LMBRD1: variants seen among roughly 807,000 people sequenced by gnomAD.
LMBRD1 encodes the protein LMBR1 domain containing 1.
A neutral mutation model predicts 74.8 loss-of-function variants in LMBRD1; 64 were observed. The ratio of observed to expected loss-of-function variants is 0.86; its 90% CI spans 0.70 to 1.05. LMBRD1 has a LOEUF of 1.05. LMBRD1 is among the 50% of genes least tolerant of loss of function. The pLI is 0.00. For missense variants in LMBRD1, 652 were observed against 645.9 expected (o/e 1.01, Z -0.10); for synonymous variants, 204 against 216.3 (o/e 0.94, Z 0.50).
chr6:69,774,265 C>T (rs1562121281), intron 3 of LMBRD1, among the ~76,000 whole-genome samples: 1 of 152,212 alleles, frequency 6.6e-6, no homozygotes, highest in African/African-American at 2.4e-5. Context: ...CTCCTCCTCG[C>T]CTTCCACCAT....
chr6:69,757,730 C>T (rs1765296700), intron 3 of LMBRD1, among the ~76,000 whole-genome samples: 1 of 152,182 alleles, frequency 6.6e-6, no homozygotes, highest in Admixed American at 6.5e-5. Flanking sequence ...ATCAAACTCA[C>T]AGCCATTTTC....
At chr6:69,748,916 A>G (rs747908587) in intron 5 of LMBRD1, among the ~76,000 whole-genome samples, 1 of 152,076 alleles carries the variant, frequency 6.6e-6, no homozygotes. Context: ...AAACATTATA[A>G]ATGTCTAAGC....
intron 6 of LMBRD1, among the ~76,000 whole-genome samples, chr6:69,740,457 A>G (rs1031165903): frequency 1.3e-5 from 2 of 152,232 alleles, no homozygotes; most frequent in African/African-American, 2.4e-5. Flanking sequence ...AGTTAACTCC[A>G]AGAAAAGAAG....
rs765553354 is a variant in LMBRD1 at position 69,676,524 on chromosome 6, G to A, written c.1435C>T (p.Arg479Trp). 2.2e-5 allele frequency: 35 copies of A among 1,612,704 alleles called. No individual in the cohort carries two copies. Among genetic ancestry groups the A allele is most frequent in the East Asian group, 6.7e-5 (3 of 44,794 alleles). Reference sequence around the variant, plus strand: ...AACTTGTGAAGGAATAGGTATGTCCGGGTAACAGTACACTGATCTGTGAAA... The same window carrying A: ...AACTTGTGAAGGAATAGGTATGTCCAGGTAACAGTACACTGATCTGTGAAA... ...DAPEDQCTVT[R>W]TYLFLHKFWF... The change falls in exon 15 of 16, where the codon CGG (arginine) becomes TGG (tryptophan). Residue 479 changes from arginine to tryptophan, a missense_variant. Physicochemically the swap from Arg to Trp is moderately radical, Grantham distance 101 (BLOSUM62 -3). This residue lies in a region of LMBRD1 where 598 missense variants were observed against 581.8 expected (regional missense o/e 1.03). Transcript: ENST00000649934.
At chr6:69,723,858 A>G (rs1766669070) in intron 7 of LMBRD1, among the ~76,000 whole-genome samples, 1 of 151,994 alleles carries the variant, frequency 6.6e-6, no homozygotes, top group Non-Finnish European at 1.5e-5. Flanking sequence ...ACAATAAAAA[A>G]GATAGATGAA....
At chr6:69,753,736 C>T (rs1294406710) in intron 3 of LMBRD1, among the ~76,000 whole-genome samples, 1 of 151,990 alleles carries the variant, frequency 6.6e-6, no homozygotes, top group Non-Finnish European at 1.5e-5. Flanking sequence ...TACAGGAGAT[C>T]GAGACCATCC....
intron 3 of LMBRD1, among the ~76,000 whole-genome samples, chr6:69,777,672 T>C (rs1197814066): frequency 7.4e-6 from 1 of 134,998 alleles, no homozygotes; most frequent in Non-Finnish European, 1.7e-5. Context: ...CTGTGAAAGG[T>C]AGAAAATACA....
intron 14 of LMBRD1, among the ~76,000 whole-genome samples, chr6:69,690,433 A>C (rs1765852369): frequency 6.6e-6 from 1 of 152,156 alleles, no homozygotes. Context: ...ACTTTGCAAA[A>C]AGACTCAAGA....
At chr6:69,687,764 T>C (rs1011234007) in intron 14 of LMBRD1, among the ~76,000 whole-genome samples, 1 of 152,194 alleles carries the variant, frequency 6.6e-6, no homozygotes, top group Non-Finnish European at 1.5e-5. Context: ...TGATGACTTA[T>C]ATTAATCTTA....
chr6:69,712,227 T>G (rs1001100429), intron 9 of LMBRD1, among the ~76,000 whole-genome samples: 4 of 152,198 alleles, frequency 2.6e-5, no homozygotes, highest in Non-Finnish European at 5.9e-5. Flanking sequence ...GCCAACAGTT[T>G]TTGTTACTTT....
At chr6:69,796,703 C>CG in intron 1 of LMBRD1, 110 bp downstream of exon 1, 1 of 1,012,204 alleles carries the variant, frequency 9.9e-7, no homozygotes, top group African/African-American at 1.6e-5. Flanking sequence ...AAGCTAAAAG[C>CG]GGGGCGGGGC....
intron 1 of LMBRD1, among the ~76,000 whole-genome samples, chr6:69,793,243 A>G (rs1766129630): frequency 6.6e-6 from 1 of 152,242 alleles, no homozygotes; most frequent in Admixed American, 6.5e-5. Context: ...TGGTCTGAAC[A>G]CTGAGATTTT....
intron 14 of LMBRD1, among the ~76,000 whole-genome samples, chr6:69,692,448 G>A (rs1328996216): frequency 2.0e-5 from 3 of 151,992 alleles, no homozygotes; most frequent in Non-Finnish European, 4.4e-5. Flanking sequence ...TAATTAAGCA[G>A]GGCAGCAGAA....
chr6:69,780,074 T>C (rs1765795854), intron 3 of LMBRD1, among the ~76,000 whole-genome samples: 1 of 151,414 alleles, frequency 6.6e-6, no homozygotes, highest in Admixed American at 6.6e-5. Flanking sequence ...TAGAAGATCA[T>C]GGCACCCTGT....
intron 4 of LMBRD1, among the ~76,000 whole-genome samples, chr6:69,750,498 G>T (rs898363985): frequency 1.3e-5 from 2 of 151,856 alleles, no homozygotes; most frequent in East Asian, 3.8e-4. Flanking sequence ...ATTTTAAATC[G>T]GTCAGAAATA....
At chr6:69,689,412 A>G (rs1765832192) in intron 14 of LMBRD1, among the ~76,000 whole-genome samples, 1 of 152,134 alleles carries the variant, frequency 6.6e-6, no homozygotes, top group Non-Finnish European at 1.5e-5. Context: ...CAAGAAGAGG[A>G]AAGACAGAGA....
intron 7 of LMBRD1, among the ~76,000 whole-genome samples, chr6:69,720,395 T>A (rs1296383431): frequency 6.6e-6 from 1 of 152,212 alleles, no homozygotes; most frequent in Non-Finnish European, 1.5e-5. Flanking sequence ...ATTCTCATTA[T>A]TTCCCTTTTA....
chr6:69,719,452 T>C (rs1766567707), intron 7 of LMBRD1, among the ~76,000 whole-genome samples: 1 of 152,134 alleles, frequency 6.6e-6, no homozygotes, highest in Non-Finnish European at 1.5e-5. Flanking sequence ...TCTCCAAGTA[T>C]ATATAGTAAA....
chr6:69,756,488 T>C (rs911889733), intron 3 of LMBRD1, among the ~76,000 whole-genome samples: 1 of 152,022 alleles, frequency 6.6e-6, no homozygotes, highest in African/African-American at 2.4e-5. Context: ...AAACTGGCAA[T>C]ACCAAGTGTT....
Sources: allele counts gnomAD v4.1 joint callset (sites outside exome capture counted in the v4.1 genomes callset), GRCh38; gene constraint gnomAD v4.1.1; regional missense constraint gnomAD v4.1.1; transcripts MANE v1.5; gene names NCBI Gene and HGNC (gene_info 2026-07-23, HGNC 2026-07-21).